FGFR1: variants seen among roughly 807,000 people sequenced by gnomAD.
FGFR1 encodes fibroblast growth factor receptor 1.
In FGFR1, 18 loss-of-function variants were observed where a neutral mutation model predicts 93.7. The observed-to-expected ratio is 0.19, with a 90% CI of 0.13 to 0.28. The LOEUF is 0.28. Among genes scored for constraint, FGFR1 ranks in the 10% least tolerant of loss-of-function variants. The probability of loss-of-function intolerance (pLI) is 1.00; values close to 1 mark genes in which losing one functional copy is unlikely to be tolerated. For synonymous variants in FGFR1, 448 were observed against 429.3 expected (o/e 1.04, Z -0.54); for missense variants, 731 against 1,080.4 (o/e 0.68, Z 4.53).
intron 11 of FGFR1, chr8:38,417,627 T>C: frequency 1.4e-6 from 1 of 716,642 alleles, no homozygotes; most frequent in Non-Finnish European, 2.4e-6. Context: ...GAGGAAAGCC[T>C]GCAAGCGATG....
At chr8:38,467,032 A>C (rs1377564936) in intron 1 of FGFR1, among the ~76,000 whole-genome samples, 1 of 151,936 alleles carries the variant, frequency 6.6e-6, no homozygotes, top group Non-Finnish European at 1.5e-5. Context: ...CCAACCCCAA[A>C]CATAACGGTA....
intron 2 of FGFR1, among the ~76,000 whole-genome samples, chr8:38,456,007 A>G (rs1404629104): frequency 6.6e-6 from 1 of 152,192 alleles, no homozygotes; most frequent in Non-Finnish European, 1.5e-5. Flanking sequence ...TGACAGCAAC[A>G]TGAATATGCC....
chr8:38,445,150 G>A (rs1276078305), intron 2 of FGFR1, among the ~76,000 whole-genome samples: 2 of 152,266 alleles, frequency 1.3e-5, no homozygotes, highest in Non-Finnish European at 2.9e-5. Context: ...ATCCCTTTCC[G>A]TGCCCATCGT....
At chr8:38,414,484 G>A in intron 15 of FGFR1, 75 bp downstream of exon 15, 1 of 1,575,782 alleles carries the variant, frequency 6.3e-7, no homozygotes, top group South Asian at 1.1e-5. Context: ...CCTCAGTCCA[G>A]GGAGAAAGCA....
At chr8:38,460,972 G>A (rs531467717) in intron 1 of FGFR1, 71 of 1,261,478 alleles carry the variant, frequency 5.6e-5, no homozygotes, top group Admixed American at 2.0e-5. Context: ...GGTTCCCCCC[G>A]CCCCGTCTCT....
intron 6 of FGFR1, among the ~76,000 whole-genome samples, chr8:38,425,291 T>C (rs1476835575): frequency 3.9e-5 from 6 of 152,084 alleles, no homozygotes; most frequent in Non-Finnish European, 8.8e-5. Flanking sequence ...GTACTACAAG[T>C]ACATGACACT....
chr8:38,425,157 T>A (rs1023231854), intron 6 of FGFR1, among the ~76,000 whole-genome samples: 3 of 147,372 alleles, frequency 2.0e-5, no homozygotes, highest in South Asian at 2.1e-4. Context: ...TTTTTTTTTT[T>A]AAAGGCAGGG....
intron 1 of FGFR1, chr8:38,461,220 C>T: frequency 7.8e-7 from 1 of 1,283,352 alleles, no homozygotes; most frequent in Admixed American, 2.1e-5. Context: ...ATAGCAGGGG[C>T]TGGACGGACC....
At chr8:38,457,287 T>C (rs2151337290) in intron 2 of FGFR1, 69 bp downstream of exon 2, 2 of 1,555,294 alleles carry the variant, frequency 1.3e-6, no homozygotes, top group Non-Finnish European at 1.8e-6. Context: ...TGCAACCATA[T>C]CACCTCCCTC....
intron 2 of FGFR1, among the ~76,000 whole-genome samples, chr8:38,451,870 T>G (rs1831178771): frequency 6.6e-6 from 1 of 152,148 alleles, no homozygotes; most frequent in South Asian, 2.1e-4. Flanking sequence ...ACTTGACTTA[T>G]TGCAAAAGAC....
In FGFR1 at chr8:38,427,996, C is replaced by T. The variant is rs993729615; in HGVS notation, c.546G>A (p.Gly182=). The T allele has an allele frequency of 6.2e-6, 10 of 1,614,106 alleles. No homozygotes were observed. Among genetic ancestry groups the T allele is most frequent in the African/African-American group, 1.3e-5 (1 of 74,928 alleles). The change falls in exon 5 of 18, where the codon GGG becomes GGA. Residue 182 remains glycine, a synonymous_variant. Transcript: ENST00000447712. ...ACCAGCGCAGTGTGGGGTTTGGGGT[C>T]CCACTGGAAGGGCATTTGAACTTCA... ...KTVKFKCPSS[G]TPNPTLRWLK...
chr8:38,419,604 T>C lies in FGFR1; in HGVS notation c.1213A>G (p.Lys405Glu). ...GCCATCTGGCTGTGGAAGTCACTCT[T>C]CTTGGTACCACTCTTCATCTTGTAG... ...IVYKMKSGTK[K>E]SDFHSQMAVH... The change falls in exon 9 of 18, where the codon AAG (lysine) becomes GAG (glutamate). Residue 405 changes from lysine to glutamate, a missense_variant. By Grantham distance (56) the Lys-to-Glu change is moderately conservative. Coordinates refer to ENST00000447712, the MANE Select transcript of FGFR1 (RefSeq NM_023110.3). The C allele has an allele frequency of 2.5e-6, 4 of 1,614,098 alleles. No homozygotes were observed. The highest frequency in any genetic ancestry group is 2.5e-6 in the Non-Finnish European group (3 of 1,180,022).
At chr8:38,434,329 CTT>C (rs57569029) in intron 2 of FGFR1, 1,377 of 113,434 alleles carry the variant, frequency 0.012, no homozygotes, top group South Asian at 0.033. Context: ...ATTGCTGCTG[CTT>C]TTTTTTTTTT....
At chr8:38,425,271 A>G (rs1162227680) in intron 6 of FGFR1, among the ~76,000 whole-genome samples, 1 of 152,072 alleles carries the variant, frequency 6.6e-6, no homozygotes, top group Non-Finnish European at 1.5e-5. Flanking sequence ...AGCCTCAGTT[A>G]ACTCAGCTGG....
At chr8:38,448,533 C>T (rs1468885639) in intron 2 of FGFR1, among the ~76,000 whole-genome samples, 2 of 152,228 alleles carry the variant, frequency 1.3e-5, no homozygotes, top group African/African-American at 4.8e-5. Flanking sequence ...AGCCTAAACA[C>T]TAATGTTTTT....
chr8:38,463,159 G>C (rs1346091459), intron 1 of FGFR1: 2 of 159,888 alleles, frequency 1.3e-5, no homozygotes, highest in Non-Finnish European at 2.8e-5. Context: ...GCCTGCCTTG[G>C]CCTCCCAAAG....
rs121909633 is a variant in FGFR1, at chr8:38,424,546, A to G, written c.899T>C (p.Ile300Thr). ...GACATAAGGCAGGTTGTCTGGGCCA[A>G]TCTTGCTCCCATTCACCTCGATGTG... ...LKHIEVNGSK[I>T]GPDNLPYVQI... The change falls in exon 7 of 18, where the codon ATT becomes ACT. Residue 300 changes from isoleucine to threonine, a missense_variant. Physicochemically the swap from Ile to Thr is moderately conservative, Grantham distance 89. This residue lies in a region of FGFR1 where 109 missense variants were observed against 249.4 expected (regional missense o/e 0.44). Coordinates refer to ENST00000447712, the MANE Select transcript of FGFR1 (RefSeq NM_023110.3). This position sits in a 1 kb window ranked among gnomAD's most constrained non-coding sequence, Gnocchi z 4.3. The G allele has an allele frequency of 5.3e-4, 857 of 1,614,184 alleles. No homozygotes were observed. The highest frequency in any genetic ancestry group is 6.9e-4 in the Non-Finnish European group (814 of 1,180,044).
rs1835024203 is a variant in FGFR1, at chr8:38,464,246, C to T, written c.-89+3735G>A. On this transcript the variant is annotated intron_variant, in intron 1 of 17. Coordinates refer to ENST00000447712, the MANE Select transcript of FGFR1 (RefSeq NM_023110.3). ...CAGGAGAATCGCTTCAACCGGAAGGCGGAGGTTGCAGTGACCTGAGATAGC... is the reference window on the plus strand; with the variant it reads ...CAGGAGAATCGCTTCAACCGGAAGGTGGAGGTTGCAGTGACCTGAGATAGC... 3.0e-5 allele frequency among the ~76,000 whole-genome samples: 4 copies of T among 133,178 alleles called. No individual in the cohort carries two copies. The Admixed American group carries it at 3.5e-4, about 12-fold the overall frequency. The allele number at this position is 133,178 out of a possible 152,430, so 87.4% of individuals were successfully genotyped here.
In FGFR1 at chr8:38,412,123, G is replaced by A; in HGVS notation, c.*1505C>T. ...GCTGGAGTGCAATGGCGCAATCTCG[G>A]CTCACTGCAACCTCCGCCTCCCAGC... is the stretch of plus-strand genomic sequence containing the variant. On this transcript the variant is annotated 3_prime_UTR_variant, in exon 18 of 18. Coordinates refer to ENST00000447712, the MANE Select transcript of FGFR1 (RefSeq NM_023110.3). 1 of 208,274 alleles carries A rather than the reference G, an allele frequency of 4.8e-6. No homozygotes were observed. 12.9% of individuals were successfully genotyped at this position (208,274 alleles called of 1,614,324 possible).
Sources: allele counts gnomAD v4.1 joint callset (sites outside exome capture counted in the v4.1 genomes callset), GRCh38; gene constraint gnomAD v4.1.1; regional missense constraint gnomAD v4.1.1; non-coding constraint Gnocchi (gnomAD v3.1); transcripts MANE v1.5; gene names NCBI Gene and HGNC (gene_info 2026-07-23, HGNC 2026-07-21).